TEAD1: variants seen among roughly 807,000 people sequenced by gnomAD.
The protein encoded by TEAD1 is TEA domain transcription factor 1.
Under a neutral mutation model 54.9 loss-of-function variants are expected in TEAD1, and 9 were observed. That is an observed-to-expected ratio of 0.16 (90% CI 0.10 to 0.29). The LOEUF is 0.29. TEAD1 is among the 10% of genes least tolerant of loss of function. The pLI, the probability that TEAD1 is intolerant of heterozygous loss-of-function variation, is 1.00. For synonymous variants in TEAD1, 200 were observed against 187.8 expected, an observed-to-expected ratio of 1.07 and a Z score of -0.53; for missense variants, 387 against 535.9, an observed-to-expected ratio of 0.72 and a Z score of 2.74.
chr11:12,745,604 TGG>T (rs1944731516), intron 2 of TEAD1, among the ~76,000 whole-genome samples: 2 of 146,854 alleles, frequency 1.4e-5, no homozygotes, highest in Non-Finnish European at 1.5e-5. Flanking sequence ...TTTTTTTTTT[TGG>T]ACTGTTTGCA....
intron 2 of TEAD1, among the ~76,000 whole-genome samples, chr11:12,744,255 A>C (rs146117208): frequency 6.6e-6 from 1 of 152,184 alleles, no homozygotes; most frequent in African/African-American, 2.4e-5. Flanking sequence ...TCCCCAGTCT[A>C]TCGGTGGCCT....
intron 2 of TEAD1, among the ~76,000 whole-genome samples, chr11:12,722,014 G>A (rs1484723730): frequency 1.3e-5 from 2 of 152,324 alleles, no homozygotes; most frequent in Middle Eastern, 6.8e-3. Flanking sequence ...CACTGGGTCT[G>A]GGTTGGTGCC....
At position 12,807,568 on chromosome 11, in the gene TEAD1, A is replaced by G. The variant is rs544822858; in HGVS notation, c.202+43134A>G. On this transcript the variant is annotated intron_variant, in intron 3 of 12. Transcript: ENST00000527636. ...GTTAAAAGGTAGGTATGAGGATTGA[A>G]AAGTATAGGTAAAGGGGTTAGCACA... Among the ~76,000 whole-genome samples, 4 of 152,344 alleles carry G rather than the reference A, an allele frequency of 2.6e-5. No homozygotes were observed. The South Asian group carries it at 8.3e-4, about 32-fold the overall frequency.
intron 1 of TEAD1, among the ~76,000 whole-genome samples, 166 bp from the exon 2 acceptor site, chr11:12,675,243 T>TCGGAGCC (rs1447794625): frequency 1.4e-4 from 21 of 151,718 alleles, no homozygotes; most frequent in Non-Finnish European, 2.7e-4. Flanking sequence ...AGCCGCCGCC[T>TCGGAGCC]CGGAGCCCGG....
At chr11:12,675,635 C>T (rs1353066500) in intron 2 of TEAD1, 74 bp downstream of exon 2, 3 of 152,220 alleles carry the variant, frequency 2.0e-5, no homozygotes, top group African/African-American at 7.2e-5. Context: ...TCTGGGTACA[C>T]TTCTAGTCTT....
intron 9 of TEAD1, among the ~76,000 whole-genome samples, chr11:12,884,002 A>T (rs1364639858): frequency 1.3e-5 from 2 of 152,020 alleles, no homozygotes; most frequent in African/African-American, 4.8e-5. Context: ...TCAAAAAAAA[A>T]AAAAAAAGAA....
intron 2 of TEAD1, among the ~76,000 whole-genome samples, chr11:12,736,169 C>G (rs1345556792): frequency 2.0e-5 from 3 of 152,158 alleles, no homozygotes; most frequent in Non-Finnish European, 4.4e-5. Flanking sequence ...TGAATCTGCC[C>G]ATAATGTCCT....
chr11:12,821,362 A>G (rs912887032), intron 3 of TEAD1, among the ~76,000 whole-genome samples: 1 of 152,192 alleles, frequency 6.6e-6, no homozygotes, highest in Non-Finnish European at 1.5e-5. Flanking sequence ...AACCTTTCTG[A>G]GTCTTCATCA....
At chr11:12,685,443 C>A (rs146768915) in intron 2 of TEAD1, among the ~76,000 whole-genome samples, 396 of 152,084 alleles carry the variant, frequency 2.6e-3, no homozygotes, top group African/African-American at 8.9e-3. Context: ...GAAATAAAAC[C>A]CTGGATCTAG....
intron 3 of TEAD1, among the ~76,000 whole-genome samples, chr11:12,845,377 C>A (rs1014548195): frequency 6.6e-6 from 1 of 152,158 alleles, no homozygotes; most frequent in Non-Finnish European, 1.5e-5. Flanking sequence ...TTTCAAAGCA[C>A]TATCGTGTGT....
intron 3 of TEAD1, among the ~76,000 whole-genome samples, chr11:12,854,223 TAC>T (rs550093174): frequency 5.9e-5 from 9 of 152,166 alleles, no homozygotes; most frequent in Non-Finnish European, 1.3e-4. Flanking sequence ...AGCCTGTCCT[TAC>T]ACCTAATCTT....
At chr11:12,718,386 G>A (rs1054809682) in intron 2 of TEAD1, among the ~76,000 whole-genome samples, 3 of 152,170 alleles carry the variant, frequency 2.0e-5, no homozygotes, top group Non-Finnish European at 2.9e-5. Context: ...GATAATGAAA[G>A]TCAAAGTGCT....
At chr11:12,780,220 A>C (rs1945513907) in intron 3 of TEAD1, among the ~76,000 whole-genome samples, 2 of 152,110 alleles carry the variant, frequency 1.3e-5, no homozygotes, top group African/African-American at 2.4e-5. Flanking sequence ...TAAATACATA[A>C]AAATATAAAA....
At chr11:12,898,109 C>T (rs1948347425) in intron 9 of TEAD1, among the ~76,000 whole-genome samples, 1 of 152,160 alleles carries the variant, frequency 6.6e-6, no homozygotes, top group Non-Finnish European at 1.5e-5. Context: ...ACACATTGCT[C>T]ACAGCGCCCA....
intron 3 of TEAD1, among the ~76,000 whole-genome samples, chr11:12,783,002 T>C (rs1341612930): frequency 6.6e-6 from 1 of 152,126 alleles, no homozygotes; most frequent in African/African-American, 2.4e-5. Flanking sequence ...GATCCAGATG[T>C]CACTAAACAG....
intron 3 of TEAD1, among the ~76,000 whole-genome samples, chr11:12,806,554 ACCAG>A (rs1222603029): frequency 1.3e-5 from 2 of 152,216 alleles, no homozygotes; most frequent in African/African-American, 4.8e-5. Context: ...CCAGAAGAAG[ACCAG>A]AGCAAGACCC....
At chr11:12,710,931 G>A (rs1373711037) in intron 2 of TEAD1, among the ~76,000 whole-genome samples, 3 of 152,130 alleles carry the variant, frequency 2.0e-5, no homozygotes, top group Non-Finnish European at 4.4e-5. Context: ...CAGGCAGAGG[G>A]CCCAGCTGGT....
intron 3 of TEAD1, among the ~76,000 whole-genome samples, chr11:12,852,751 A>C (rs1200861237): frequency 6.6e-6 from 1 of 152,014 alleles, no homozygotes; most frequent in East Asian, 1.9e-4. Flanking sequence ...CCTGGCCTCC[A>C]TTAAATCTCA....
intron 3 of TEAD1, among the ~76,000 whole-genome samples, chr11:12,847,934 C>G (rs1947189895): frequency 6.6e-6 from 1 of 152,182 alleles, no homozygotes; most frequent in Admixed American, 6.5e-5. Flanking sequence ...AACCCTATAT[C>G]ATAGGCCACT....
Sources: allele counts gnomAD v4.1 joint callset (sites outside exome capture counted in the v4.1 genomes callset), GRCh38; gene constraint gnomAD v4.1.1; transcripts MANE v1.5; gene names NCBI Gene and HGNC (gene_info 2026-07-23, HGNC 2026-07-21).